The following HGF variants were observed in gnomAD, a reference collection of about 807,000 sequenced individuals.
The protein encoded by HGF is fibroblast-derived tumor cytotoxic factor.
In HGF, 39 loss-of-function variants were observed where a neutral mutation model predicts 111.6. The ratio of observed to expected loss-of-function variants is 0.35; its 90% confidence interval spans 0.27 to 0.46. The LOEUF is 0.46. Ranked by LOEUF, HGF falls within the 20% of genes least tolerant of loss-of-function variation. HGF has a pLI of 1.00. For missense variants in HGF, 735 were observed against 910.5 expected, an observed-to-expected ratio of 0.81 and a Z score of 2.48; for synonymous variants, 285 against 294.8, an observed-to-expected ratio of 0.97 and a Z score of 0.34.
At chr7:81,729,871 A>G in intron 7 of HGF, 92 bp from the exon 8 acceptor site, 1 of 1,189,748 alleles carries the variant, frequency 8.4e-7, no homozygotes, top group Non-Finnish European at 1.2e-6. Flanking sequence ...TTGTATTAGC[A>G]GATTTTTTTT....
intron 11 of HGF, among the ~76,000 whole-genome samples, chr7:81,714,133 G>C (rs1455056636): frequency 2.6e-5 from 4 of 151,756 alleles, no homozygotes; most frequent in Middle Eastern, 3.4e-3. Context: ...CGAACATCAT[G>C]TATTTCTCCA....
At chr7:81,723,286 A>G (rs997122391) in intron 9 of HGF, among the ~76,000 whole-genome samples, 2 of 152,164 alleles carry the variant, frequency 1.3e-5, no homozygotes, top group African/African-American at 2.4e-5. Flanking sequence ...ACTTCTCTGA[A>G]TTTACCCTTT....
Position 81,757,176 on chromosome 7 carries a change from A to C in HGF, c.482+13T>G, listed in dbSNP as rs1359332307. ...GACAGAGGCTTCATCTCTTTTCTTCATACTGTTCTTACCTGTGTTCGTGTG... is the reference window on the plus strand; with the variant it reads ...GACAGAGGCTTCATCTCTTTTCTTCCTACTGTTCTTACCTGTGTTCGTGTG... On this transcript the variant is annotated intron_variant, in intron 4 of 17. Transcript: ENST00000222390. 8.5e-6 allele frequency: 11 copies of C among 1,299,564 alleles called. No individual in the cohort carries two copies. The highest frequency in any genetic ancestry group is 1.2e-5 in the Non-Finnish European group (11 of 892,868). 80.5% of individuals were successfully genotyped at this position (1,299,564 alleles called of 1,614,324 possible).
chr7:81,758,805 C>T lies in HGF; in HGVS notation c.255-1G>A. 1 of 1,591,344 alleles carries T rather than the reference C, an allele frequency of 6.3e-7. No homozygotes were observed. The highest frequency in any genetic ancestry group is 8.6e-7 in the Non-Finnish European group (1 of 1,160,532). On this transcript the variant is annotated splice_acceptor_variant, in intron 2 of 17. Transcript: ENST00000222390. LOFTEE classifies it high-confidence loss of function. ...TCTTGCTTTATCAAAAACAAAAGCC[C>T]TGAAAAAAATATCAGAATGAAAAGA... is the stretch of plus-strand genomic sequence containing the variant.
chr7:81,758,658 T>G, intron 3 of HGF, 34 bp downstream of exon 3: 1 of 1,206,200 alleles, frequency 8.3e-7, no homozygotes, highest in South Asian at 1.2e-5. Flanking sequence ...TATACTTTAT[T>G]TCATTATGCA....
chr7:81,718,555 A>G (rs1789774053), intron 10 of HGF, among the ~76,000 whole-genome samples: 1 of 152,174 alleles, frequency 6.6e-6, no homozygotes, highest in Non-Finnish European at 1.5e-5. Context: ...TCCTTGATCA[A>G]TTTCCTACAA....
At chr7:81,758,591 G>A (rs959564138) in intron 3 of HGF, 101 bp downstream of exon 3, 26 of 749,216 alleles carry the variant, frequency 3.5e-5, no homozygotes, top group Admixed American at 1.9e-4. Flanking sequence ...CTCATATATA[G>A]TAGAAAAATC....
intron 13 of HGF, 122 bp downstream of exon 13, chr7:81,710,025 T>G: frequency 4.2e-6 from 3 of 722,656 alleles, no homozygotes; most frequent in Non-Finnish European, 7.6e-6. Context: ...CCTCTTTTAC[T>G]GCCTCACCCA....
At chr7:81,757,595 G>C (rs976188117) in intron 3 of HGF, among the ~76,000 whole-genome samples, 1 of 152,052 alleles carries the variant, frequency 6.6e-6, no homozygotes, top group Admixed American at 6.6e-5. Context: ...AAGCAATTAT[G>C]ATTTGCTCAA....
intron 9 of HGF, among the ~76,000 whole-genome samples, chr7:81,724,828 A>T (rs1322024248): frequency 1.3e-5 from 2 of 152,228 alleles, no homozygotes; most frequent in Non-Finnish European, 2.9e-5. Flanking sequence ...GGGGGATATA[A>T]GCATTTCCTT....
At chr7:81,723,313 T>C (rs1789922651) in intron 9 of HGF, among the ~76,000 whole-genome samples, 1 of 152,116 alleles carries the variant, frequency 6.6e-6, no homozygotes, top group Non-Finnish European at 1.5e-5. Flanking sequence ...GTATTTACTA[T>C]TATCCAATGT....
chr7:81,736,595 A>T, intron 7 of HGF: 2 of 397,922 alleles, frequency 5.0e-6, no homozygotes, highest in Non-Finnish European at 9.9e-6. Context: ...GGAAATCATA[A>T]CTTAGTTGAA....
chr7:81,751,291 T>A, intron 5 of HGF: 2 of 985,032 alleles, frequency 2.0e-6, no homozygotes, highest in Non-Finnish European at 2.4e-6. Context: ...CATGTTTCAC[T>A]TAGATTTTTG....
chr7:81,735,728 C>A (rs1330573136), intron 7 of HGF, among the ~76,000 whole-genome samples: 2 of 152,026 alleles, frequency 1.3e-5, no homozygotes, highest in African/African-American at 4.8e-5. Context: ...AACAAGGCTG[C>A]AGATTTGCTG....
At chr7:81,736,138 A>G (rs1787818153) in intron 7 of HGF, among the ~76,000 whole-genome samples, 1 of 152,102 alleles carries the variant, frequency 6.6e-6, no homozygotes, top group Non-Finnish European at 1.5e-5. Flanking sequence ...CTGGGCACTT[A>G]AGTATAGTAG....
intron 1 of HGF, 35 bp from the exon 2 acceptor site, chr7:81,762,907 T>A (rs774350108): frequency 5.9e-5 from 74 of 1,255,984 alleles, no homozygotes; most frequent in Non-Finnish European, 8.4e-5. Flanking sequence ...AAAATAAACA[T>A]TGGAGAAATG....
At chr7:81,718,685 G>T (rs950022563) in intron 10 of HGF, among the ~76,000 whole-genome samples, 4 of 152,234 alleles carry the variant, frequency 2.6e-5, no homozygotes, top group Non-Finnish European at 5.9e-5. Flanking sequence ...TTTACCAACT[G>T]GTACTTTGAG....
At chr7:81,760,188 GTAATCTT>G (rs1486659833) in intron 2 of HGF, among the ~76,000 whole-genome samples, 1 of 152,178 alleles carries the variant, frequency 6.6e-6, no homozygotes, top group Non-Finnish European at 1.5e-5. Context: ...CGTTCTAGTT[GTAATCTT>G]TTCCACAGCT....
rs531259094 is a variant in HGF at position 81,721,014 on chromosome 7, G to C, written c.1169-167C>G. ...TAATCCCAGCACTTTGGGAGGCCAA[G>C]GCGGGCCCATCACGAGGTCAGGAGA... is the stretch of plus-strand genomic sequence containing the variant. On this transcript the variant is annotated intron_variant, in intron 9 of 17. Coordinates refer to ENST00000222390, the MANE Select transcript of HGF (RefSeq NM_000601.6). 9.8e-5 allele frequency among the ~76,000 whole-genome samples: 15 copies of C among 152,370 alleles called. No individual in the cohort carries two copies. The East Asian group carries it at 2.9e-3, about 29-fold the overall frequency.
Sources: gnomAD v4.1 joint callset for allele counts (sites outside exome capture counted in the v4.1 genomes callset) on GRCh38, gnomAD v4.1.1 for gene constraint, MANE v1.5 for transcripts, NCBI Gene and HGNC (gene_info 2026-07-23, HGNC 2026-07-21) for gene names.